ZNF860: variants seen among roughly 807,000 people sequenced by gnomAD.
The protein encoded by ZNF860 is zinc finger protein 860.
For missense variants in ZNF860, 641 were observed against 759.2 expected (o/e 0.84, Z 1.83); for synonymous variants, 206 against 248.9 (o/e 0.83, Z 1.62).
Position 31,989,701 on chromosome 3 carries a change from G to T in ZNF860, c.622G>T (p.Glu208Ter). The change falls in exon 2 of 2, where the codon GAA becomes TAA. Residue 208 changes from glutamate to a stop codon, truncating the protein, a stop_gained. Transcript: ENST00000360311. LOFTEE classifies it low-confidence loss of function (END_TRUNC). ...CAAAATCCATATTTCTAATAACTAT[G>T]AAAATAATTTCTTCCATTCATCATT... ...RPKIHISNNY[E>*]NNFFHSSLLT... is the part of the protein sequence containing the mutation. The T allele has an allele frequency of 1.2e-6, 2 of 1,613,912 alleles. No homozygotes were observed. The highest frequency in any genetic ancestry group is 2.2e-5 in the East Asian group (1 of 44,876).
chr3:31,989,838 A>G lies in ZNF860; in HGVS notation c.759A>G (p.Leu253=). ...TAAGGAAACATCAGATAATCTATTT[A>G]GGAGGGAAACAATATAAATGTGATG... The part of the protein sequence containing the change: ...SLLRKHQIIY[L]GGKQYKCDVC... Residue 253 remains leucine (L), a synonymous_variant, in exon 2 of 2, where the codon TTA becomes TTG. Coordinates refer to ENST00000360311, the MANE Select transcript of ZNF860 (RefSeq NM_001137674.3). 6.2e-7 allele frequency: 1 copy of G among 1,614,182 alleles called. No homozygotes were observed. Among genetic ancestry groups the G allele is most frequent in the East Asian group, 2.2e-5 (1 of 44,866 alleles).
chr3:31,997,817 T>G, the ZNF860 span, among the ~76,000 whole-genome samples: 2 of 152,124 alleles, frequency 1.3e-5, no homozygotes, highest in African/African-American at 2.4e-5. Context: ...GGTCTTACTC[T>G]GTCGCCCAGG....
chr3:31,988,856 G>A lies in ZNF860; in HGVS notation c.-224G>A, dbSNP rs1442295707. On this transcript the variant is annotated 5_prime_UTR_variant, in exon 2 of 2. An upstream start codon of the reference 5' UTR is lost. Transcript: ENST00000360311. ...CAAGCCTTGAGATGACTGCAGCCAT[G>A]ACCCACAGCTTGACTACAACCCAGA... 1.7e-6 allele frequency: 1 copy of A among 597,050 alleles called. No individual in the cohort carries two copies. The highest frequency in any genetic ancestry group is 2.9e-6 in the Non-Finnish European group (1 of 341,842). 37.0% of individuals were successfully genotyped at this position (597,050 alleles called of 1,614,324 possible).
rs1461787255 is a variant in ZNF860 at position 31,990,122 on chromosome 3, A to G, written c.1043A>G (p.Glu348Gly). The G allele has an allele frequency of 3.7e-6, 6 of 1,611,590 alleles. No homozygotes were observed. Among genetic ancestry groups the G allele is most frequent in the Non-Finnish European group, 5.1e-6 (6 of 1,178,546 alleles). The change falls in exon 2 of 2, where the codon GAA becomes GGA. Residue 348 changes from glutamate (E) to glycine (G), a missense_variant. By Grantham distance (98) the Glu-to-Gly change is moderately conservative. Transcript: ENST00000360311. ...AAACCATACAAATGTAAGGTTTGTG[A>G]AAAGGCTTTCAGGCGTGATTCACAC... is the stretch of plus-strand genomic sequence containing the variant. ...GEKPYKCKVC[E>G]KAFRRDSHLT...
Position 31,989,543 on chromosome 3 carries a change from T to C in ZNF860, c.464T>C (p.Leu155Pro). 1 of 1,614,200 alleles carries C rather than the reference T, an allele frequency of 6.2e-7. No homozygotes were observed. The highest frequency in any genetic ancestry group is 8.5e-7 in the Non-Finnish European group (1 of 1,180,032). The part of the protein sequence containing the change: ...HPGNKPIKDQ[L>P]GLSFHSHLPE... ...GGAAACAAGCCTATCAAAGATCAGC[T>C]TGGATTAAGCTTTCATTCGCATCTT... The change falls in exon 2 of 2, where the codon CTT becomes CCT. Residue 155 changes from leucine (L) to proline (P), a missense_variant. By Grantham distance (98) the Leu-to-Pro change is moderately conservative. Coordinates refer to ENST00000360311, the MANE Select transcript of ZNF860 (RefSeq NM_001137674.3).
intron 1 of ZNF860, among the ~76,000 whole-genome samples, chr3:31,984,841 G>T (rs909380053): frequency 6.6e-6 from 1 of 152,200 alleles, no homozygotes; most frequent in Non-Finnish European, 1.5e-5. Context: ...GCCTGTGCCC[G>T]GGAATGAACA....
At chr3:31,997,032 A>G in the ZNF860 span, among the ~76,000 whole-genome samples, 1 of 152,116 alleles carries the variant, frequency 6.6e-6, no homozygotes, top group Admixed American at 6.6e-5. Context: ...ATTTATAGTT[A>G]CCACACGTTT....
At chr3:31,999,814 T>G in the ZNF860 span, among the ~76,000 whole-genome samples, 2 of 152,316 alleles carry the variant, frequency 1.3e-5, no homozygotes, top group African/African-American at 4.8e-5. Flanking sequence ...CATTCTGTTT[T>G]GTACTGAAAC....
At chr3:31,982,379 CA>C (rs1241948348) in intron 1 of ZNF860, among the ~76,000 whole-genome samples, 1 of 152,064 alleles carries the variant, frequency 6.6e-6, no homozygotes, top group African/African-American at 2.4e-5. Context: ...ACAGACAAAA[CA>C]AAAGGTGATA....
At position 31,989,532 on chromosome 3, in the gene ZNF860, C is replaced by T. The variant is rs4449357; in HGVS notation, c.453C>T (p.Ile151=). ...GAAGGCATCCTGGAAACAAGCCTAT[C>T]AAAGATCAGCTTGGATTAAGCTTTC... is the stretch of plus-strand genomic sequence containing the variant. ...YDRRHPGNKP[I]KDQLGLSFHS... The change falls in exon 2 of 2, where the codon ATC becomes ATT. Residue 151 remains isoleucine, a synonymous_variant. Coordinates refer to ENST00000360311, the MANE Select transcript of ZNF860 (RefSeq NM_001137674.3). The T allele has an allele frequency of 0.22, 359,520 of 1,613,946 alleles. 51,943 individuals are homozygous for T. The highest frequency in any genetic ancestry group is 0.69 in the African/African-American group (51,452 of 74,934).
chr3:31,990,741 AAC>A lies in ZNF860; in HGVS notation c.1666_1667del (p.His556Ter), dbSNP rs779506053. ...TTTTCAGTCGCAAATCACACCATGA[AAC>A]ACATAAGAGAATTCATACTGGAGAG... Reference protein sequence around the residue: ...TVFSRKSHHETHKRIHTGEKP... With the variant: ...TVFSRKSHHEXHKRIHTGEKP... On this transcript the variant is annotated frameshift_variant, in exon 2 of 2. Transcript: ENST00000360311. LOFTEE classifies it low-confidence loss of function (END_TRUNC). The A allele has an allele frequency of 1.9e-6, 3 of 1,614,038 alleles. No individual in the cohort carries two copies. In the South Asian group the frequency reaches 3.3e-5, roughly 18 times the overall value.
In ZNF860 at chr3:31,990,428, G is replaced by A. The variant is rs369598814; in HGVS notation, c.1349G>A (p.Gly450Glu). 4.4e-6 allele frequency: 7 copies of A among 1,599,142 alleles called. No individual in the cohort carries two copies. The African/African-American group carries it at 8.1e-5, about 18-fold the overall frequency. ...GTAGTTCATTGGCGAACTCATACTG[G>A]AGAGAAACCTTACAAGTGTAATGAG... Reference protein sequence around the residue: ...YLVVHWRTHTGEKPYKCNECG... With the variant: ...YLVVHWRTHTEEKPYKCNECG... The change falls in exon 2 of 2, where the codon GGA becomes GAA. Residue 450 changes from glycine (G) to glutamate (E), a missense_variant. Gly to Glu is a moderately conservative substitution (Grantham distance 98). Transcript: ENST00000360311.
intron 1 of ZNF860, among the ~76,000 whole-genome samples, chr3:31,984,603 G>C (rs1225269608): frequency 6.6e-6 from 1 of 152,180 alleles, no homozygotes; most frequent in African/African-American, 2.4e-5. Context: ...ATCTATAGGA[G>C]TGATGGGGAG....
the ZNF860 span, among the ~76,000 whole-genome samples, chr3:32,000,802 C>T: frequency 4.6e-5 from 7 of 152,206 alleles, no homozygotes; most frequent in African/African-American, 1.7e-4. Flanking sequence ...TGGAACTGCT[C>T]TTTGACTCCG....
At chr3:31,986,248 C>A (rs542419355) in intron 1 of ZNF860, 2 of 152,280 alleles carry the variant, frequency 1.3e-5, no homozygotes, top group African/African-American at 4.8e-5. Context: ...ATAAATGAAG[C>A]CTAATTTTAC....
In ZNF860 at chr3:31,989,342, C is replaced by T. The variant is rs1553647202; in HGVS notation, c.263C>T (p.Thr88Ile). Residue 88 changes from threonine (T) to isoleucine (I), a missense_variant, in exon 2 of 2, where the codon ACA (threonine) becomes ATA (isoleucine). Coordinates refer to ENST00000360311, the MANE Select transcript of ZNF860 (RefSeq NM_001137674.3). ...AQGNTEVDTG[T>I]LERHESHHIG... ...GGCAATACAGAAGTGGACACAGGGA[C>T]ATTAGAAAGACATGAAAGTCATCAC... The T allele has an allele frequency of 1.2e-5, 19 of 1,614,002 alleles. No homozygotes were observed. Among genetic ancestry groups the T allele is most frequent in the East Asian group, 2.2e-5 (1 of 44,902 alleles).
At chr3:31,984,553 C>T (rs563860093) in intron 1 of ZNF860, among the ~76,000 whole-genome samples, 1 of 152,242 alleles carries the variant, frequency 6.6e-6, no homozygotes, top group South Asian at 2.1e-4. Flanking sequence ...GTATGAAAAA[C>T]ACCTCAAACA....
chr3:31,997,265 CT>C, the ZNF860 span, among the ~76,000 whole-genome samples: 18 of 147,100 alleles, frequency 1.2e-4, no homozygotes, highest in East Asian at 2.0e-4. Flanking sequence ...GAACATCATT[CT>C]TTTTTTTTTT....
chr3:32,006,114 T>C, the ZNF860 span, among the ~76,000 whole-genome samples: 1 of 151,924 alleles, frequency 6.6e-6, no homozygotes, highest in African/African-American at 2.4e-5. Flanking sequence ...CCAGCTAATT[T>C]TTGTATTTTT....
Sources: gnomAD v4.1 joint callset for allele counts (sites outside exome capture counted in the v4.1 genomes callset) on GRCh38, gnomAD v4.1.1 for gene constraint, MANE v1.5 for transcripts, NCBI Gene and HGNC (gene_info 2026-07-23, HGNC 2026-07-21) for gene names.